KLF12: variants seen among roughly 807,000 people sequenced by gnomAD.
The protein encoded by KLF12 is KLF transcription factor 12.
In KLF12, 9 loss-of-function variants were observed where a neutral mutation model predicts 37.8. The observed-to-expected ratio is 0.24, with a 90% CI of 0.14 to 0.42. The LOEUF (loss-of-function observed/expected upper bound fraction) is 0.42, where lower values mean the gene tolerates loss of function less well. Ranked by LOEUF, KLF12 falls within the 10% of genes least tolerant of loss-of-function variation. KLF12 has a pLI of 1.00. For missense variants in KLF12, 411 were observed against 516.0 expected (o/e 0.80, Z 1.97); for synonymous variants, 208 against 202.1 (o/e 1.03, Z -0.25).
At chr13:73,763,392 T>C (rs1879695889) in intron 6 of KLF12, among the ~76,000 whole-genome samples, 1 of 152,202 alleles carries the variant, frequency 6.6e-6, no homozygotes, top group African/African-American at 2.4e-5. Flanking sequence ...TCTAATCTAG[T>C]GCTTCTTACA....
At chr13:74,045,612 C>G (rs1200164187) in intron 1 of KLF12, among the ~76,000 whole-genome samples, 1 of 138,270 alleles carries the variant, frequency 7.2e-6, no homozygotes, top group South Asian at 2.5e-4. Context: ...CATTTGATTA[C>G]AGCATTGACG....
chr13:74,277,208 T>G, the KLF12 span, among the ~76,000 whole-genome samples: 2 of 152,232 alleles, frequency 1.3e-5, no homozygotes, highest in African/African-American at 4.8e-5. Flanking sequence ...TAGCTATTGC[T>G]TTCGTTTCTG....
chr13:73,824,077 C>A (rs949520764), intron 4 of KLF12, among the ~76,000 whole-genome samples: 2 of 152,096 alleles, frequency 1.3e-5, no homozygotes, highest in African/African-American at 4.8e-5. Context: ...ACACCCTGAA[C>A]ACGTTTCCAT....
the KLF12 span, among the ~76,000 whole-genome samples, chr13:74,264,601 AC>A: frequency 6.6e-6 from 1 of 151,960 alleles, no homozygotes; most frequent in Non-Finnish European, 1.5e-5. Flanking sequence ...TCAGGTAAAA[AC>A]CCTTTTCTTT....
At chr13:74,174,330 C>CT in the KLF12 span, among the ~76,000 whole-genome samples, 1 of 140,604 alleles carries the variant, frequency 7.1e-6, no homozygotes, top group African/African-American at 2.8e-5. Flanking sequence ...TTCTTTCTTT[C>CT]TTTTCTTTTT....
At chr13:73,805,386 G>A (rs773052556) in intron 5 of KLF12, among the ~76,000 whole-genome samples, 2 of 151,922 alleles carry the variant, frequency 1.3e-5, no homozygotes, top group Non-Finnish European at 2.9e-5. Context: ...TTGGGACACC[G>A]AGGCAGGGGG....
At chr13:74,294,822 C>T in the KLF12 span, among the ~76,000 whole-genome samples, 21 of 152,274 alleles carry the variant, frequency 1.4e-4, no homozygotes, top group African/African-American at 5.1e-4. Flanking sequence ...CTCATTTTTC[C>T]CCTGCAAAGC....
intron 1 of KLF12, among the ~76,000 whole-genome samples, chr13:74,133,510 C>T (rs1043149886): frequency 6.6e-6 from 1 of 152,012 alleles, no homozygotes; most frequent in South Asian, 2.1e-4. Context: ...TCCACGAATC[C>T]GACCGACGCT....
At chr13:74,120,131 A>G (rs1343594328) in intron 1 of KLF12, among the ~76,000 whole-genome samples, 1 of 152,222 alleles carries the variant, frequency 6.6e-6, no homozygotes, top group Non-Finnish European at 1.5e-5. Flanking sequence ...GCATATAGAT[A>G]CCTTTACACA....
At chr13:74,268,638 T>C in the KLF12 span, among the ~76,000 whole-genome samples, 1 of 152,256 alleles carries the variant, frequency 6.6e-6, no homozygotes, top group Middle Eastern at 3.4e-3. Context: ...AGGAGAGCAG[T>C]ATATGGAATG....
intron 1 of KLF12, among the ~76,000 whole-genome samples, chr13:74,001,744 C>A (rs921300640): frequency 1.3e-5 from 2 of 152,152 alleles, no homozygotes; most frequent in African/African-American, 4.8e-5. Context: ...TGAATTAATT[C>A]ATGTGAAATA....
intron 1 of KLF12, among the ~76,000 whole-genome samples, chr13:74,126,576 T>G (rs1877956002): frequency 6.6e-6 from 1 of 152,232 alleles, no homozygotes; most frequent in Admixed American, 6.5e-5. Context: ...ATAATAAACT[T>G]TCTCATAACT....
intron 6 of KLF12, among the ~76,000 whole-genome samples, chr13:73,743,045 A>G (rs1878113880): frequency 6.6e-6 from 1 of 151,538 alleles, no homozygotes; most frequent in Admixed American, 6.6e-5. Context: ...GGGAGCCTTT[A>G]GTCTCATCCC....
intron 3 of KLF12, among the ~76,000 whole-genome samples, chr13:73,941,341 G>C (rs945027128): frequency 1.3e-5 from 2 of 152,104 alleles, no homozygotes; most frequent in Non-Finnish European, 2.9e-5. Flanking sequence ...AGGATCACTT[G>C]AACCCAAGAC....
the KLF12 span, among the ~76,000 whole-genome samples, chr13:74,283,430 A>G: frequency 3.9e-5 from 6 of 152,356 alleles, no homozygotes; most frequent in East Asian, 1.9e-4. Flanking sequence ...AATAAGTCCA[A>G]TGGAATAACC....
In KLF12 at chr13:73,694,523, T is replaced by C. The variant is rs1006193630; in HGVS notation, c.*967A>G. 1 of 152,684 alleles carries C rather than the reference T, an allele frequency of 6.5e-6. No individual in the cohort carries two copies. Among genetic ancestry groups the C allele is most frequent in the African/African-American group, 2.4e-5 (1 of 41,476 alleles). 9.5% of individuals were successfully genotyped at this position (152,684 alleles called of 1,614,324 possible). ...AGAGGCGCATTATTTCCATCTCTGC[T>C]TTGTCTGAGTTTTCATGTTCACTGA... On this transcript the variant is annotated 3_prime_UTR_variant, in exon 8 of 8. Coordinates refer to ENST00000377669, the MANE Select transcript of KLF12 (RefSeq NM_007249.5).
At chr13:74,207,115 C>A in the KLF12 span, among the ~76,000 whole-genome samples, 1 of 152,140 alleles carries the variant, frequency 6.6e-6, no homozygotes, top group African/African-American at 2.4e-5. Context: ...TGAGAGAGTA[C>A]AAGAAGAGGC....
intron 1 of KLF12, among the ~76,000 whole-genome samples, chr13:74,042,965 A>G (rs778344381): frequency 6.6e-6 from 1 of 152,224 alleles, no homozygotes; most frequent in Non-Finnish European, 1.5e-5. Context: ...TCAAGAAAGT[A>G]GCAAAGTTTA....
upstream of KLF12, among the ~76,000 whole-genome samples, chr13:74,136,430 T>C (rs1397577263): frequency 6.6e-6 from 1 of 152,146 alleles, no homozygotes; most frequent in African/African-American, 2.4e-5. Context: ...GAAACTTGCC[T>C]CTACTAGAAT....
Sources: allele counts gnomAD v4.1 joint callset (sites outside exome capture counted in the v4.1 genomes callset), GRCh38; gene constraint gnomAD v4.1.1; transcripts MANE v1.5; gene names NCBI Gene and HGNC (gene_info 2026-07-23, HGNC 2026-07-21).